PPP2R2B: variants seen among roughly 807,000 people sequenced by gnomAD.
PPP2R2B encodes serine/threonine-protein phosphatase 2A 55 kDa regulatory subunit B beta isoform.
A neutral mutation model predicts 46.0 loss-of-function variants in PPP2R2B; 5 were observed. The observed-to-expected ratio is 0.11, with a 90% CI of 0.06 to 0.23. PPP2R2B has a LOEUF of 0.23. Among genes scored for constraint, PPP2R2B ranks in the 10% least tolerant of loss-of-function variants. PPP2R2B has a pLI of 1.00. For missense variants in PPP2R2B, 367 were observed against 575.0 expected, an observed-to-expected ratio of 0.64 and a Z score of 3.70; for synonymous variants, 215 against 206.7, an observed-to-expected ratio of 1.04 and a Z score of -0.34.
At chr5:146,686,608 G>A (rs185930771) in intron 5 of PPP2R2B, among the ~76,000 whole-genome samples, 84 of 148,684 alleles carry the variant, frequency 5.6e-4, no homozygotes, top group African/African-American at 1.8e-3. Flanking sequence ...AAATCCATTC[G>A]AAAAATTGTA....
intron 1 of PPP2R2B, among the ~76,000 whole-genome samples, chr5:146,973,552 T>G (rs1405534710): frequency 6.6e-6 from 1 of 152,174 alleles, no homozygotes; most frequent in East Asian, 1.9e-4. Context: ...TTACTTTAAA[T>G]CTACAGTTAG....
chr5:146,691,357 C>T, intron 4 of PPP2R2B, 117 bp from the exon 5 acceptor site: 1 of 751,166 alleles, frequency 1.3e-6, no homozygotes, highest in Non-Finnish European at 2.2e-6. Context: ...GCTACAGAAG[C>T]TGGCTCACAT....
At chr5:146,630,341 A>G (rs1774343880) in intron 7 of PPP2R2B, among the ~76,000 whole-genome samples, 2 of 152,194 alleles carry the variant, frequency 1.3e-5, no homozygotes, top group South Asian at 4.1e-4. Context: ...CATGTCTGAA[A>G]TGACCTCGGT....
intron 1 of PPP2R2B, among the ~76,000 whole-genome samples, chr5:146,888,456 A>G (rs572658961): frequency 2.6e-5 from 4 of 152,092 alleles, no homozygotes; most frequent in African/African-American, 7.2e-5. Flanking sequence ...CTATCATCCT[A>G]TCTCACCATG....
intron 1 of PPP2R2B, among the ~76,000 whole-genome samples, chr5:147,000,413 C>G (rs1364905013): frequency 1.3e-5 from 2 of 152,068 alleles, no homozygotes; most frequent in Non-Finnish European, 2.9e-5. Flanking sequence ...GCCAAGCTCC[C>G]TTGTTCCTGC....
intron 7 of PPP2R2B, among the ~76,000 whole-genome samples, chr5:146,627,223 C>G (rs1304019903): frequency 6.6e-6 from 1 of 152,196 alleles, no homozygotes; most frequent in Non-Finnish European, 1.5e-5. Context: ...GTCTTTTTAA[C>G]CTAACCAAGC....
At chr5:146,783,070 T>C (rs1755633515) in intron 2 of PPP2R2B, among the ~76,000 whole-genome samples, 1 of 152,148 alleles carries the variant, frequency 6.6e-6, no homozygotes, top group Admixed American at 6.5e-5. Context: ...TTAAGAATAT[T>C]GAAAAACTAA....
In PPP2R2B at chr5:146,590,066, T is replaced by G. The variant is rs756684891; in HGVS notation, c.1213A>C (p.Ser405Arg). The change falls in exon 10 of 10, where the codon AGT (serine) becomes CGT (arginine). Residue 405 changes from serine to arginine, a missense_variant. Physicochemically the swap from Ser to Arg is moderately radical, Grantham distance 110. Transcript: ENST00000394411. The part of the protein sequence containing the change: ...VGGKRRKDEI[S>R]VDSLDFSKKI... ...TTGCTAAAGTCCAGACTGTCGACAC[T>G]GATCTCGTCTTTTCTCCGCTTGCCC... 174 of 1,614,016 alleles carry G rather than the reference T, an allele frequency of 1.1e-4. 1 individual carries two copies. The highest frequency in any genetic ancestry group is 1.1e-4 in the Non-Finnish European group (130 of 1,180,044).
chr5:146,901,345 A>G (rs1762829711), intron 1 of PPP2R2B, among the ~76,000 whole-genome samples: 1 of 151,936 alleles, frequency 6.6e-6, no homozygotes, highest in Non-Finnish European at 1.5e-5. Context: ...ACAAAAAATT[A>G]AAAAGAAAAA....
chr5:147,048,783 A>G (rs1756652951), intron 1 of PPP2R2B, among the ~76,000 whole-genome samples: 1 of 152,146 alleles, frequency 6.6e-6, no homozygotes, highest in Non-Finnish European at 1.5e-5. Flanking sequence ...CCCCTACTTT[A>G]TTACTAAGAC....
intron 1 of PPP2R2B, among the ~76,000 whole-genome samples, chr5:147,020,982 T>C (rs1755234527): frequency 6.6e-6 from 1 of 152,176 alleles, no homozygotes; most frequent in Admixed American, 6.6e-5. Flanking sequence ...CTGAAAAACT[T>C]GTGAGCTTCT....
At chr5:146,745,410 G>A (rs1324434157) in intron 2 of PPP2R2B, among the ~76,000 whole-genome samples, 1 of 152,194 alleles carries the variant, frequency 6.6e-6, no homozygotes, top group Non-Finnish European at 1.5e-5. Flanking sequence ...GATTTGCAGG[G>A]TTGTTATGGA....
intron 2 of PPP2R2B, among the ~76,000 whole-genome samples, chr5:146,823,593 TA>T (rs1298197622): frequency 1.3e-5 from 2 of 152,102 alleles, no homozygotes; most frequent in East Asian, 3.9e-4. Flanking sequence ...AGAATTAACT[TA>T]AAAATTATCT....
chr5:146,672,277 G>A (rs1413040089), intron 5 of PPP2R2B, among the ~76,000 whole-genome samples: 2 of 152,162 alleles, frequency 1.3e-5, no homozygotes, highest in African/African-American at 4.8e-5. Context: ...TTTTGATGTT[G>A]AACAAGGATC....
At chr5:146,936,133 G>A (rs1764131204) in intron 1 of PPP2R2B, among the ~76,000 whole-genome samples, 1 of 152,114 alleles carries the variant, frequency 6.6e-6, no homozygotes, top group Admixed American at 6.6e-5. Context: ...ATCAGTTTAG[G>A]CATCAGCAGA....
At chr5:146,707,637 C>G (rs952324293) in intron 2 of PPP2R2B, 1 of 589,400 alleles carries the variant, frequency 1.7e-6, no homozygotes, top group East Asian at 2.8e-5. Context: ...CTGAACCAGG[C>G]GGAGATTCCA....
At chr5:146,651,037 T>C (rs1441461747) in intron 5 of PPP2R2B, among the ~76,000 whole-genome samples, 1 of 152,194 alleles carries the variant, frequency 6.6e-6, no homozygotes, top group Non-Finnish European at 1.5e-5. Flanking sequence ...AGTCATTACC[T>C]TCCAGAGACA....
At position 146,761,273 on chromosome 5, in the gene PPP2R2B, A is replaced by G. The variant is rs543583982; in HGVS notation, c.71-60131T>C. On this transcript the variant is annotated intron_variant, in intron 2 of 9. Transcript: ENST00000394411. Reference sequence around the variant, plus strand: ...AGACTTGGAACCAACCCAAATGTCCAACAACGATAGACTGGATTAAGAAAA... The same window carrying G: ...AGACTTGGAACCAACCCAAATGTCCGACAACGATAGACTGGATTAAGAAAA... Among the ~76,000 whole-genome samples the G allele has an allele frequency of 1.2e-3, 187 of 152,362 alleles. 8 individuals are homozygous for G. The South Asian group carries it at 0.037, about 30-fold the overall frequency.
At chr5:146,628,838 T>C (rs1453209258) in intron 7 of PPP2R2B, among the ~76,000 whole-genome samples, 1 of 152,226 alleles carries the variant, frequency 6.6e-6, no homozygotes, top group African/African-American at 2.4e-5. Context: ...CTCATCTTTC[T>C]TGCCCTCTCA....
Sources: gnomAD v4.1 joint callset for allele counts (sites outside exome capture counted in the v4.1 genomes callset) on GRCh38, gnomAD v4.1.1 for gene constraint, MANE v1.5 for transcripts, NCBI Gene and HGNC (gene_info 2026-07-23, HGNC 2026-07-21) for gene names.